GPHN: variants seen among roughly 807,000 people sequenced by gnomAD.
The protein encoded by GPHN is gephyrin.
Under a neutral mutation model 95.5 loss-of-function variants are expected in GPHN, and 17 were observed. The ratio of observed to expected loss-of-function variants is 0.18; its 90% CI spans 0.12 to 0.27. The LOEUF (loss-of-function observed/expected upper bound fraction) is 0.27. Ranked by LOEUF, GPHN falls within the 10% of genes least tolerant of loss-of-function variation. The pLI, the probability that GPHN is intolerant of heterozygous loss-of-function variation, is 1.00. For missense variants in GPHN, 660 were observed against 978.1 expected (o/e 0.67, Z 4.34); for synonymous variants, 320 against 322.5 (o/e 0.99, Z 0.08).
At chr14:66,971,141 C>T (rs899103806) in intron 9 of GPHN, among the ~76,000 whole-genome samples, 1 of 152,148 alleles carries the variant, frequency 6.6e-6, no homozygotes, top group Non-Finnish European at 1.5e-5. Context: ...CCAGCCTGAC[C>T]AATGTGGAAA....
At chr14:67,421,557 G>A in the GPHN span, among the ~76,000 whole-genome samples, 1 of 152,124 alleles carries the variant, frequency 6.6e-6, no homozygotes, top group Non-Finnish European at 1.5e-5. Context: ...AAGTGATGAC[G>A]GCAGCAAGAT....
At chr14:67,390,966 TAAGTC>T in the GPHN span, among the ~76,000 whole-genome samples, 22 of 152,064 alleles carry the variant, frequency 1.4e-4, no homozygotes, top group East Asian at 1.4e-3. Context: ...GCCATCACCT[TAAGTC>T]AAGTCAGCAG....
At chr14:67,694,431 AATATAT>A in the GPHN span, among the ~76,000 whole-genome samples, 1 of 140,094 alleles carries the variant, frequency 7.1e-6, no homozygotes, top group African/African-American at 2.6e-5. Context: ...CAGCTCCTGG[AATATAT>A]ATATATATAT....
chr14:66,686,358 T>C (rs2067360393), intron 2 of GPHN, among the ~76,000 whole-genome samples: 1 of 152,252 alleles, frequency 6.6e-6, no homozygotes, highest in South Asian at 2.1e-4. Context: ...TTTCATGATA[T>C]TGATTCTTCC....
chr14:67,175,899 G>A (rs557617804), intron 21 of GPHN, among the ~76,000 whole-genome samples: 2 of 152,260 alleles, frequency 1.3e-5, no homozygotes, highest in Admixed American at 6.5e-5. Flanking sequence ...TGGTGTATAC[G>A]AATGCTTGTG....
chr14:67,020,010 G>A (rs1170548167), intron 9 of GPHN, among the ~76,000 whole-genome samples: 1 of 152,094 alleles, frequency 6.6e-6, no homozygotes, highest in Non-Finnish European at 1.5e-5. Context: ...AGGGTGGGGA[G>A]GTAAATGGAT....
At chr14:66,659,554 C>A (rs2065514562) in intron 1 of GPHN, among the ~76,000 whole-genome samples, 1 of 151,922 alleles carries the variant, frequency 6.6e-6, no homozygotes. Flanking sequence ...TCTTTTCTTT[C>A]ATTTTTTCAG....
the GPHN span, among the ~76,000 whole-genome samples, chr14:67,544,573 G>A: frequency 6.6e-6 from 1 of 152,208 alleles, no homozygotes; most frequent in African/African-American, 2.4e-5. Context: ...TAATGGAACT[G>A]TTGGCAAGAG....
the GPHN span, among the ~76,000 whole-genome samples, chr14:67,629,011 A>C: frequency 6.6e-6 from 1 of 152,190 alleles, no homozygotes; most frequent in Non-Finnish European, 1.5e-5. Context: ...AAAATGTGGT[A>C]CATACATATA....
the GPHN span, among the ~76,000 whole-genome samples, chr14:67,551,532 G>A: frequency 1.3e-5 from 2 of 152,154 alleles, no homozygotes; most frequent in African/African-American, 4.8e-5. Flanking sequence ...AAGCCACACT[G>A]TGGTGGAGTC....
intron 10 of GPHN, among the ~76,000 whole-genome samples, chr14:67,028,462 T>C: frequency 6.6e-6 from 1 of 152,182 alleles, no homozygotes; most frequent in African/African-American, 2.4e-5. Context: ...TATAATGTCT[T>C]ACTAATTTAC....
chr14:66,705,669 A>G (rs1443905168), intron 2 of GPHN, among the ~76,000 whole-genome samples: 6 of 152,184 alleles, frequency 3.9e-5, no homozygotes. Context: ...CATATCTCAA[A>G]ATAATAAGAG....
At chr14:67,528,626 G>C in the GPHN span, among the ~76,000 whole-genome samples, 1 of 152,146 alleles carries the variant, frequency 6.6e-6, no homozygotes. Flanking sequence ...AGCTCCACCA[G>C]CTCCCAACTC....
the GPHN span, among the ~76,000 whole-genome samples, chr14:67,358,034 G>A: frequency 6.6e-6 from 1 of 151,678 alleles, no homozygotes; most frequent in African/African-American, 2.4e-5. Context: ...ATTAGGTGTT[G>A]ACTAGAACAA....
the GPHN span, chr14:67,359,909 G>C: frequency 1.7e-6 from 1 of 581,720 alleles, no homozygotes; most frequent in South Asian, 2.2e-5. Context: ...CAGAGGCGTT[G>C]CCCGGATGTC....
At chr14:67,594,272 C>A in the GPHN span, among the ~76,000 whole-genome samples, 1 of 152,054 alleles carries the variant, frequency 6.6e-6, no homozygotes, top group Admixed American at 6.6e-5. Context: ...TCGTTTGAGC[C>A]CAGGAGTTCG....
the GPHN span, among the ~76,000 whole-genome samples, chr14:67,494,212 T>A: frequency 1.5e-4 from 23 of 152,316 alleles, no homozygotes; most frequent in East Asian, 1.4e-3. Flanking sequence ...AAAGGGAATG[T>A]TATCTCAGTC....
At chr14:67,188,339 C>CT in the GPHN span, among the ~76,000 whole-genome samples, 1,833 of 152,242 alleles carry the variant, frequency 0.012, 19 homozygotes, top group Non-Finnish European at 0.018. Flanking sequence ...TTATTTCCTT[C>CT]TTTTGGTATT....
intron 1 of GPHN, among the ~76,000 whole-genome samples, chr14:66,649,792 G>A (rs141629483): frequency 5.3e-5 from 8 of 152,260 alleles, no homozygotes; most frequent in African/African-American, 1.4e-4. Context: ...TGCATCTGAC[G>A]TCAAGCTTTA....
Sources: allele counts gnomAD v4.1 joint callset (sites outside exome capture counted in the v4.1 genomes callset), GRCh38; gene constraint gnomAD v4.1.1; transcripts MANE v1.5; gene names NCBI Gene and HGNC (gene_info 2026-07-23, HGNC 2026-07-21).